The following ATP9A variants were observed in gnomAD, a reference collection of about 807,000 sequenced individuals.
ATP9A encodes ATPase phospholipid transporting 9A.
A neutral mutation model predicts 144.1 loss-of-function variants in ATP9A; 52 were observed. The ratio of observed to expected loss-of-function variants is 0.36; its 90% CI spans 0.29 to 0.45. The LOEUF is 0.45. Among genes scored for constraint, ATP9A ranks in the 20% least tolerant of loss-of-function variants. ATP9A has a pLI of 1.00. For missense variants in ATP9A, 947 were observed against 1,392.7 expected (o/e 0.68, Z 5.09); for synonymous variants, 582 against 557.4 (o/e 1.04, Z -0.62).
rs867833479 is a variant in ATP9A, at chr20:51,682,790, A to G, written c.799+6274T>C. On this transcript the variant is annotated intron_variant, in intron 9 of 27. Coordinates refer to ENST00000338821, the MANE Select transcript of ATP9A (RefSeq NM_006045.3). ...GTATTTTTAGTAGAGGCGGGGTTTTACCATGTTGGCCAGGCTGATCTCAAA... is the reference window on the plus strand; with the variant it reads ...GTATTTTTAGTAGAGGCGGGGTTTTGCCATGTTGGCCAGGCTGATCTCAAA... Among the ~76,000 whole-genome samples, 421 of 120,098 alleles carry G rather than the reference A, an allele frequency of 3.5e-3. 1 individual carries two copies. The highest frequency in any genetic ancestry group is 0.013 in the African/African-American group (404 of 31,768). The allele number at this position is 120,098 out of a possible 152,430, so 78.8% of individuals were successfully genotyped here.
chr20:51,618,614 G>C, intron 21 of ATP9A, 48 bp downstream of exon 21: 2 of 1,565,540 alleles, frequency 1.3e-6, no homozygotes, highest in Non-Finnish European at 1.7e-6. Context: ...AAGGGAGCCT[G>C]GTGCACCGGC....
intron 9 of ATP9A, among the ~76,000 whole-genome samples, chr20:51,683,442 T>A (rs4538265): frequency 0.53 from 79,836 of 151,392 alleles, 21,845 homozygotes; most frequent in African/African-American, 0.66. Flanking sequence ...TTATTATTAT[T>A]ATTATTATTA....
intron 9 of ATP9A, among the ~76,000 whole-genome samples, chr20:51,680,952 C>T (rs1455050952): frequency 1.3e-5 from 2 of 152,124 alleles, no homozygotes; most frequent in Non-Finnish European, 2.9e-5. Context: ...CTACCGCACC[C>T]CTCCCCCCAA....
At chr20:51,686,981 T>C (rs1446882838) in intron 9 of ATP9A, among the ~76,000 whole-genome samples, 1 of 150,598 alleles carries the variant, frequency 6.6e-6, no homozygotes, top group African/African-American at 2.4e-5. Flanking sequence ...AAGAGACAGA[T>C]GCAAATATGA....
chr20:51,665,614 C>T (rs2077429473), intron 13 of ATP9A, among the ~76,000 whole-genome samples: 1 of 151,898 alleles, frequency 6.6e-6, no homozygotes. Flanking sequence ...ATCCCAGCTA[C>T]TCGGGAGGCT....
At chr20:51,673,083 A>T (rs910591839) in intron 11 of ATP9A, among the ~76,000 whole-genome samples, 2 of 152,072 alleles carry the variant, frequency 1.3e-5, no homozygotes, top group Non-Finnish European at 2.9e-5. Context: ...ATATCACTTT[A>T]AAAAACCAGG....
intron 14 of ATP9A, among the ~76,000 whole-genome samples, chr20:51,648,454 G>T (rs761921589): frequency 7.2e-5 from 11 of 152,202 alleles, no homozygotes; most frequent in Non-Finnish European, 1.5e-4. Context: ...CCAAAAGGGG[G>T]AAACCTCCTA....
chr20:51,606,935 AAATCTAT>A, intron 26 of ATP9A, among the ~76,000 whole-genome samples: 1 of 150,588 alleles, frequency 6.6e-6, no homozygotes, highest in African/African-American at 2.4e-5. Context: ...TAAGTATATA[AAATCTAT>A]TATGTGCACT....
Position 51,624,558 on chromosome 20 carries a change from C to T in ATP9A, c.2016+634G>A, listed in dbSNP as rs529173851. Among the ~76,000 whole-genome samples, 6 of 152,212 alleles carry T rather than the reference C, an allele frequency of 3.9e-5. No individual in the cohort carries two copies. In the East Asian group the frequency reaches 5.8e-4, roughly 15 times the overall value. The stretch of plus-strand genomic sequence containing the variant: ...GTGGTCACTCACTCACTTGGCCACA[C>T]GGCAGACAGACCGGCGTGCTGATCA... On this transcript the variant is annotated intron_variant, in intron 18 of 27. Transcript: ENST00000338821.
intron 1 of ATP9A, among the ~76,000 whole-genome samples, chr20:51,743,396 A>ATTGTTTTTTTT (rs2077793184): frequency 1.1e-5 from 1 of 89,854 alleles, no homozygotes; most frequent in African/African-American, 4.7e-5. Context: ...ACCGAAACTG[A>ATTGTTTTTTTT]TTTTTTTTTT....
chr20:51,729,370 C>G (rs1298900449), intron 2 of ATP9A, among the ~76,000 whole-genome samples: 5 of 140,786 alleles, frequency 3.6e-5, no homozygotes, highest in Admixed American at 2.1e-4. Flanking sequence ...CTACCCAGTG[C>G]TGAACCCAGG....
chr20:51,626,970 T>A (rs1286942264), intron 17 of ATP9A, among the ~76,000 whole-genome samples: 1 of 149,192 alleles, frequency 6.7e-6, no homozygotes, highest in Non-Finnish European at 1.5e-5. Context: ...GGCAGAAGGA[T>A]CCCTTGAACC....
chr20:51,627,874 G>A (rs1383583643), intron 16 of ATP9A, among the ~76,000 whole-genome samples, 191 bp from the exon 17 acceptor site: 15 of 152,104 alleles, frequency 9.9e-5, no homozygotes, highest in Admixed American at 7.2e-4. Context: ...AGAGGCAGCC[G>A]GTGAGCCAAA....
intron 1 of ATP9A, among the ~76,000 whole-genome samples, chr20:51,744,052 A>C (rs2077796976): frequency 6.6e-6 from 1 of 152,162 alleles, no homozygotes; most frequent in South Asian, 2.1e-4. Flanking sequence ...AAAATATGAA[A>C]TAACTTTCTC....
intron 13 of ATP9A, among the ~76,000 whole-genome samples, chr20:51,661,526 C>CTT (rs533280164): frequency 6.5e-3 from 710 of 108,536 alleles, no homozygotes; most frequent in Non-Finnish European, 8.7e-3. Flanking sequence ...CCATGCCCAG[C>CTT]TTTTTTTTTT....
intron 14 of ATP9A, among the ~76,000 whole-genome samples, chr20:51,654,907 A>AC (rs1277396897): frequency 6.6e-6 from 1 of 152,142 alleles, no homozygotes; most frequent in Non-Finnish European, 1.5e-5. Flanking sequence ...CACACACTAT[A>AC]CTGTGTCACA....
At chr20:51,652,943 C>A (rs760945915) in intron 14 of ATP9A, among the ~76,000 whole-genome samples, 2 of 151,952 alleles carry the variant, frequency 1.3e-5, no homozygotes, top group African/African-American at 4.8e-5. Flanking sequence ...CCCATCTCTA[C>A]TAAAAATACA....
chr20:51,732,933 A>G (rs892630706), intron 1 of ATP9A, among the ~76,000 whole-genome samples: 1 of 151,908 alleles, frequency 6.6e-6, no homozygotes, highest in Non-Finnish European at 1.5e-5. Flanking sequence ...TGACTCCTCT[A>G]AGAGCCAGTA....
rs751136181 is a variant in ATP9A, at chr20:51,690,796, A to G, written c.666T>C (p.Tyr222=). 8.1e-6 allele frequency: 13 copies of G among 1,614,042 alleles called. No homozygotes were observed. The highest frequency in any genetic ancestry group is 1.7e-5 in the Admixed American group (1 of 60,006). ...TAADLLQIRS[Y]VYAEEPNIDI... ...CAATATTTGGCTCTTCTGCGTACACATACGATCGAATCTGAAGAAGGTCCT... is the reference window on the plus strand; with the variant it reads ...CAATATTTGGCTCTTCTGCGTACACGTACGATCGAATCTGAAGAAGGTCCT... The change falls in exon 8 of 28, where the codon TAT becomes TAC. Residue 222 remains tyrosine (Y), a synonymous_variant. Transcript: ENST00000338821.
Sources: allele counts gnomAD v4.1 joint callset (sites outside exome capture counted in the v4.1 genomes callset), GRCh38; gene constraint gnomAD v4.1.1; transcripts MANE v1.5; gene names NCBI Gene and HGNC (gene_info 2026-07-23, HGNC 2026-07-21).